Variants in CDH18 observed in about 807,000 individuals in gnomAD.
CDH18 encodes the protein cadherin-18.
CDH18 carries 31 observed loss-of-function variants against 67.9 expected under a neutral mutation model. The ratio of observed to expected loss-of-function variants is 0.46; its 90% CI spans 0.34 to 0.62. CDH18 has a LOEUF of 0.62. Among genes scored for constraint, CDH18 ranks in the 20% least tolerant of loss-of-function variants. The probability of loss-of-function intolerance (pLI) is 0.01; values close to 1 mark genes in which losing one functional copy is unlikely to be tolerated. For missense variants in CDH18, 890 were observed against 975.5 expected (o/e 0.91, Z 1.17); for synonymous variants, 362 against 347.2 (o/e 1.04, Z -0.48).
chr5:20,318,462 G>A (rs939725085), intron 1 of CDH18, among the ~76,000 whole-genome samples: 1 of 152,150 alleles, frequency 6.6e-6, no homozygotes, highest in Non-Finnish European at 1.5e-5. Flanking sequence ...GTGGGGCCTT[G>A]TGGGAGGTGA....
chr5:20,318,713 T>C (rs982752539), intron 1 of CDH18, among the ~76,000 whole-genome samples: 34 of 152,308 alleles, frequency 2.2e-4, no homozygotes, highest in Admixed American at 7.2e-4. Context: ...TGGTGACATG[T>C]TTTATTTACA....
intron 5 of CDH18, among the ~76,000 whole-genome samples, chr5:19,634,705 G>T (rs1386304587): frequency 6.7e-6 from 1 of 150,180 alleles, no homozygotes; most frequent in African/African-American, 2.5e-5. Flanking sequence ...GGGAGCCTGA[G>T]GGTGGGTGGA....
chr5:20,160,421 A>C (rs879785937), intron 2 of CDH18, among the ~76,000 whole-genome samples: 1 of 152,202 alleles, frequency 6.6e-6, no homozygotes, highest in Admixed American at 6.5e-5. Flanking sequence ...CATTAAACCC[A>C]ACCAAAAAAT....
chr5:19,622,006 T>C (rs1054090566), intron 5 of CDH18, among the ~76,000 whole-genome samples: 2 of 152,160 alleles, frequency 1.3e-5, no homozygotes, highest in African/African-American at 4.8e-5. Context: ...ACATTTGTCT[T>C]AATAATTGTT....
At chr5:19,829,638 C>A (rs1780805346) in intron 3 of CDH18, among the ~76,000 whole-genome samples, 1 of 152,092 alleles carries the variant, frequency 6.6e-6, no homozygotes, top group South Asian at 2.1e-4. Context: ...CCATACTGCC[C>A]AAAGCAGTTT....
chr5:20,532,968 A>T (rs1391420855), intron 1 of CDH18, among the ~76,000 whole-genome samples: 2 of 151,894 alleles, frequency 1.3e-5, no homozygotes, highest in Non-Finnish European at 2.9e-5. Flanking sequence ...CCTATGCTGA[A>T]GTCCTCTCCC....
At chr5:19,965,299 C>T (rs1395983926) in intron 2 of CDH18, among the ~76,000 whole-genome samples, 1 of 152,098 alleles carries the variant, frequency 6.6e-6, no homozygotes, top group Non-Finnish European at 1.5e-5. Context: ...TATGTGTATA[C>T]AAGTGAATAA....
intron 1 of CDH18, among the ~76,000 whole-genome samples, chr5:20,261,794 T>TA (rs549540541): frequency 6.6e-6 from 1 of 152,024 alleles, no homozygotes; most frequent in Non-Finnish European, 1.5e-5. Flanking sequence ...ACTTTCAACC[T>TA]AAAATGATAA....
At chr5:20,521,825 G>A (rs912851761) in intron 1 of CDH18, among the ~76,000 whole-genome samples, 1 of 149,344 alleles carries the variant, frequency 6.7e-6, no homozygotes, top group Non-Finnish European at 1.5e-5. Context: ...ACACACACAC[G>A]TGCATACATT....
At position 19,541,525 on chromosome 5, in the gene CDH18, T is replaced by C. The variant is rs891146833; in HGVS notation, c.1390+2344A>G. Among the ~76,000 whole-genome samples, 6 of 152,118 alleles carry C rather than the reference T, an allele frequency of 3.9e-5. No individual in the cohort carries two copies. The East Asian group carries it at 7.7e-4, about 20-fold the overall frequency. On this transcript the variant is annotated intron_variant, in intron 9 of 12. Coordinates refer to ENST00000382275, the MANE Select transcript of CDH18 (RefSeq NM_004934.5). ...TGATAAAGACATACCCGAGACTGGG[T>C]AATTTATAAAGGAAAAAGGTTTAAT...
chr5:19,669,378 C>T (rs910179624), intron 5 of CDH18, among the ~76,000 whole-genome samples: 15 of 151,202 alleles, frequency 9.9e-5, no homozygotes, highest in African/African-American at 3.4e-4. Flanking sequence ...CTACAACCTC[C>T]GCTTCCCAGG....
At chr5:20,501,516 T>G (rs1176110239) in intron 1 of CDH18, among the ~76,000 whole-genome samples, 1 of 122,328 alleles carries the variant, frequency 8.2e-6, no homozygotes. Flanking sequence ...TTATATATAT[T>G]ATATACATAT....
intron 1 of CDH18, among the ~76,000 whole-genome samples, chr5:20,527,596 G>A (rs1048185643): frequency 2.6e-5 from 4 of 151,980 alleles, no homozygotes; most frequent in Admixed American, 1.3e-4. Flanking sequence ...AGAGATTGAG[G>A]GTCAATATTC....
chr5:20,242,132 TAA>T, intron 2 of CDH18, among the ~76,000 whole-genome samples: 1 of 151,824 alleles, frequency 6.6e-6, no homozygotes, highest in South Asian at 2.1e-4. Flanking sequence ...ACAATGGAAA[TAA>T]AAGTTTTTTA....
In CDH18 at chr5:20,086,216, A is replaced by G. The variant is rs368039837; in HGVS notation, c.-517-94202T>C. On this transcript the variant is annotated intron_variant, in intron 2 of 14. Transcript: ENST00000507958. ...AAGACAAAGCCTAATCCAGTGCAAG[A>G]CCCTAACTCTCTGAAATGTTATGAA... Among the ~76,000 whole-genome samples, 101 of 152,336 alleles carry G rather than the reference A, an allele frequency of 6.6e-4. 1 individual carries two copies. In the South Asian group the frequency reaches 0.018, roughly 27 times the overall value.
intron 8 of CDH18, among the ~76,000 whole-genome samples, chr5:19,552,861 A>G (rs948755033): frequency 6.6e-6 from 1 of 152,142 alleles, no homozygotes. Context: ...ACTTATAAAT[A>G]CTGGCTATAA....
chr5:20,314,449 T>G (rs1409037427), intron 1 of CDH18, among the ~76,000 whole-genome samples: 1 of 152,064 alleles, frequency 6.6e-6, no homozygotes, highest in Non-Finnish European at 1.5e-5. Context: ...GCATGTACCT[T>G]AAGAGAGGAA....
At chr5:19,726,215 G>A (rs10805640) in intron 4 of CDH18, among the ~76,000 whole-genome samples, 85,998 of 151,966 alleles carry the variant, frequency 0.57, 27,557 homozygotes, top group East Asian at 0.74. Flanking sequence ...AAGGAAGAAG[G>A]GTAGCATGGT....
At chr5:20,422,356 A>C (rs1030073022) in intron 1 of CDH18, among the ~76,000 whole-genome samples, 9 of 151,034 alleles carry the variant, frequency 6.0e-5, no homozygotes, top group African/African-American at 2.2e-4. Flanking sequence ...ACTTATTTTA[A>C]ATAAAGTACA....
Sources: gnomAD v4.1 joint callset for allele counts (sites outside exome capture counted in the v4.1 genomes callset) on GRCh38, gnomAD v4.1.1 for gene constraint, MANE v1.5 for transcripts, NCBI Gene and HGNC (gene_info 2026-07-23, HGNC 2026-07-21) for gene names.